Variants in COPS5 observed in about 807,000 individuals in gnomAD.
COPS5 encodes COP9 signalosome complex subunit 5.
COPS5 carries 8 observed loss-of-function variants against 44.4 expected under a neutral mutation model. That is an observed-to-expected ratio of 0.18 (90% confidence interval 0.11 to 0.32). The LOEUF (loss-of-function observed/expected upper bound fraction) is 0.32, where lower values mean the gene tolerates loss of function less well. Ranked by LOEUF, COPS5 falls within the 10% of genes least tolerant of loss-of-function variation. The pLI, the probability that COPS5 is intolerant of heterozygous loss-of-function variation, is 1.00. For missense variants in COPS5, 159 were observed against 406.4 expected, an observed-to-expected ratio of 0.39 and a Z score of 5.23; for synonymous variants, 122 against 142.8, an observed-to-expected ratio of 0.85 and a Z score of 1.04.
rs973980088 is a variant in COPS5, at chr8:67,057,369, A to T, written c.573+11T>A. 2.5e-6 allele frequency: 4 copies of T among 1,596,948 alleles called. No homozygotes were observed. The East Asian group carries it at 9.0e-5, about 36-fold the overall frequency. ...AGTGAGACTCTAACTCTTAAAAAAA[A>T]AAAAAGTTACCTTTGGGTATGTCCT... On this transcript the variant is annotated intron_variant, in intron 4 of 7. Transcript: ENST00000357849.
In COPS5 at chr8:67,062,115, T is replaced by A; in HGVS notation, c.-119A>T. The A allele has an allele frequency of 6.4e-7, 1 of 1,556,152 alleles. No homozygotes were observed. The highest frequency in any genetic ancestry group is 2.4e-5 in the East Asian group (1 of 41,946). ...GGGAACAAACTCTTACCTAGACTCTTGGGGCAGCCATGACACCTAGAACCG... is the reference window on the plus strand; with the variant it reads ...GGGAACAAACTCTTACCTAGACTCTAGGGGCAGCCATGACACCTAGAACCG... On this transcript the variant is annotated 5_prime_UTR_variant, in exon 1 of 8. Coordinates refer to ENST00000357849, the MANE Select transcript of COPS5 (RefSeq NM_006837.3).
At chr8:67,056,658 T>C (rs879095567) in intron 4 of COPS5, 54 bp from the exon 5 acceptor site, 1 of 4,694 alleles carries the variant, frequency 2.1e-4, no homozygotes, top group Non-Finnish European at 4.1e-4. Context: ...AAAAAATATA[T>C]ATATATATAT....
At chr8:67,060,514 G>C in intron 1 of COPS5, 2 of 1,289,252 alleles carry the variant, frequency 1.6e-6, no homozygotes, top group Non-Finnish European at 2.0e-6. Context: ...TGGAAGTCAA[G>C]ACATGAATCG....
At chr8:67,044,831 C>G (rs1218569059) in intron 7 of COPS5, 3 of 152,090 alleles carry the variant, frequency 2.0e-5, no homozygotes, top group African/African-American at 7.2e-5. Context: ...AACTCCTGAT[C>G]TCAGGTGATC....
intron 5 of COPS5, among the ~76,000 whole-genome samples, chr8:67,053,903 G>A (rs1804457043): frequency 6.6e-6 from 1 of 150,668 alleles, no homozygotes; most frequent in Non-Finnish European, 1.5e-5. Flanking sequence ...CTACTCGGGA[G>A]GGTGAGGCAG....
chr8:67,056,653 ATATATATATATATATATATAT>A (rs1219254634), intron 4 of COPS5, 49 bp from the exon 5 acceptor site: 1,433 of 20,738 alleles, frequency 0.069, 281 homozygotes, highest in Non-Finnish European at 0.079. Context: ...AAAAAAAAAA[ATATATATATATATATATATAT>A]ATATATATAT....
chr8:67,053,780 G>A (rs561115282), intron 5 of COPS5, among the ~76,000 whole-genome samples: 1 of 152,038 alleles, frequency 6.6e-6, no homozygotes, highest in Admixed American at 6.5e-5. Context: ...GCTGAGGCGG[G>A]CAGATCACGA....
intron 1 of COPS5, chr8:67,060,681 G>A (rs1355300700): frequency 6.3e-6 from 2 of 318,068 alleles, no homozygotes; most frequent in Non-Finnish European, 1.2e-5. Flanking sequence ...GACAAATGAA[G>A]ATGGATAAGT....
chr8:67,044,201 C>T (rs1816671373), intron 7 of COPS5: 1 of 152,088 alleles, frequency 6.6e-6, no homozygotes, highest in Non-Finnish European at 1.5e-5. Flanking sequence ...CGCCACCATG[C>T]CCAGCTAATT....
chr8:67,044,661 GCC>G, intron 7 of COPS5: 1 of 150,560 alleles, frequency 6.6e-6, no homozygotes, highest in Non-Finnish European at 1.5e-5. Flanking sequence ...GTGCAATGGC[GCC>G]ATCTTGGCTC....
intron 6 of COPS5, among the ~76,000 whole-genome samples, chr8:67,046,701 TA>T (rs1341320630): frequency 6.6e-6 from 1 of 151,072 alleles, no homozygotes; most frequent in Non-Finnish European, 1.5e-5. Context: ...CAGGAGCCTA[TA>T]ATCCCAGCTA....
intron 3 of COPS5, 54 bp from the exon 4 acceptor site, chr8:67,057,499 T>G (rs1804531027): frequency 8.1e-7 from 1 of 1,238,746 alleles, no homozygotes; most frequent in South Asian, 1.3e-5. Flanking sequence ...TGCCTTTTAT[T>G]TAAACATTAT....
chr8:67,046,022 AT>A, intron 6 of COPS5, 62 bp from the exon 7 acceptor site: 1 of 1,457,682 alleles, frequency 6.9e-7, no homozygotes, highest in South Asian at 1.2e-5. Flanking sequence ...AAATCTGTAT[AT>A]TTTAATGTAA....
At chr8:67,058,548 A>AT (rs781330012) in intron 2 of COPS5, among the ~76,000 whole-genome samples, 15 of 150,898 alleles carry the variant, frequency 9.9e-5, no homozygotes, top group Admixed American at 5.3e-4. Context: ...TTATCTTTTT[A>AT]TTTTTTTTTC....
Position 67,058,218 on chromosome 8 carries a change from A to T in COPS5, c.379-7T>A, listed in dbSNP as rs1175298612. On this transcript the variant is annotated splice_polypyrimidine_tract_variant and splice_region_variant and intron_variant, in intron 2 of 7. Coordinates refer to ENST00000357849, the MANE Select transcript of COPS5 (RefSeq NM_006837.3). ...CATTTTCAAGGCGGCCAACCTAACA[A>T]ATGAAGGGGCAAAAAAGTTTAAGAT... 6 of 1,612,792 alleles carry T rather than the reference A, an allele frequency of 3.7e-6. No homozygotes were observed. The African/African-American group carries it at 8.0e-5, about 22-fold the overall frequency.
intron 7 of COPS5, chr8:67,043,532 G>A: frequency 5.3e-6 from 2 of 374,678 alleles, no homozygotes; most frequent in East Asian, 4.2e-5. Context: ...ACAAGAGAAT[G>A]ACAACGTAAA....
Position 67,059,204 on chromosome 8 carries a change from T to G in COPS5, c.378+7A>C. The G allele has an allele frequency of 1.9e-6, 3 of 1,607,366 alleles. No homozygotes were observed. The highest frequency in any genetic ancestry group is 1.7e-5 in the Admixed American group (1 of 59,994). On this transcript the variant is annotated splice_region_variant and intron_variant, in intron 2 of 7. Coordinates refer to ENST00000357849, the MANE Select transcript of COPS5 (RefSeq NM_006837.3). Reference sequence around the variant, plus strand: ...AATTACTAAACTATAAGAAACAACATTTTTACCTGTTTTGCATTTTCTATG... The same window carrying G: ...AATTACTAAACTATAAGAAACAACAGTTTTACCTGTTTTGCATTTTCTATG...
intron 1 of COPS5, chr8:67,060,381 A>G (rs1314052956): frequency 8.0e-7 from 1 of 1,251,082 alleles, no homozygotes; most frequent in Non-Finnish European, 1.0e-6. Context: ...GCAGCCTTAC[A>G]GAGCAGTCAG....
At chr8:67,044,042 C>T (rs1416516478) in intron 7 of COPS5, 4 of 152,024 alleles carry the variant, frequency 2.6e-5, no homozygotes, top group Non-Finnish European at 5.9e-5. Context: ...CTGATGCCAA[C>T]GAAAAATACT....
Sources: allele counts gnomAD v4.1 joint callset (sites outside exome capture counted in the v4.1 genomes callset), GRCh38; gene constraint gnomAD v4.1.1; transcripts MANE v1.5; gene names NCBI Gene and HGNC (gene_info 2026-07-23, HGNC 2026-07-21).